The following ARB2A variants were observed in gnomAD, a reference collection of about 807,000 sequenced individuals.
ARB2A encodes cotranscriptional regulator ARB2A.
the ARB2A span, among the ~76,000 whole-genome samples, chr5:93,773,811 G>A: frequency 6.6e-6 from 1 of 152,128 alleles, no homozygotes; most frequent in Non-Finnish European, 1.5e-5. Flanking sequence ...CTAAGTTGGG[G>A]TACAGTAGTA....
At chr5:94,063,504 G>C in the ARB2A span, among the ~76,000 whole-genome samples, 2 of 152,084 alleles carry the variant, frequency 1.3e-5, no homozygotes, top group Non-Finnish European at 2.9e-5. Flanking sequence ...CCACTGGCCT[G>C]ACCCACTGGT....
At chr5:94,029,931 G>A in the ARB2A span, among the ~76,000 whole-genome samples, 4 of 152,130 alleles carry the variant, frequency 2.6e-5, no homozygotes, top group Admixed American at 6.6e-5. Flanking sequence ...TCCACATGGC[G>A]GGGGAGGCCT....
the ARB2A span, among the ~76,000 whole-genome samples, chr5:93,830,297 A>ATATATGTGTGTGTGTGTG: frequency 6.2e-4 from 6 of 9,736 alleles, 1 homozygote; most frequent in East Asian, 0.069. Flanking sequence ...ATATGTATAT[A>ATATATGTGTGTGTGTGTG]TATGTGTGTG....
chr5:93,805,162 C>T, the ARB2A span: 21,684 of 984,608 alleles, frequency 0.022, 253 homozygotes, highest in Non-Finnish European at 0.024. Context: ...TAGAAATCAC[C>T]AATCTAAATA....
At chr5:93,659,054 T>A in the ARB2A span, among the ~76,000 whole-genome samples, 17 of 152,004 alleles carry the variant, frequency 1.1e-4, no homozygotes, top group Non-Finnish European at 2.9e-5. Context: ...AAACCAGAAT[T>A]GTTCTATATA....
At chr5:93,638,873 C>T in the ARB2A span, among the ~76,000 whole-genome samples, 3 of 151,982 alleles carry the variant, frequency 2.0e-5, no homozygotes, top group African/African-American at 4.8e-5. Context: ...ATTTTGTATC[C>T]AGCAACCTTG....
chr5:93,960,081 G>GCCC, the ARB2A span, among the ~76,000 whole-genome samples: 1 of 39,078 alleles, frequency 2.6e-5, no homozygotes, highest in African/African-American at 1.1e-4. Context: ...AACTCTAGAT[G>GCCC]CCCCCCCCCC....
chr5:94,051,615 G>A, the ARB2A span, among the ~76,000 whole-genome samples: 1 of 152,150 alleles, frequency 6.6e-6, no homozygotes, highest in African/African-American at 2.4e-5. Context: ...AAGTAGATGA[G>A]GACTCTACGT....
the ARB2A span, among the ~76,000 whole-genome samples, chr5:93,815,212 T>G: frequency 4.6e-5 from 7 of 152,118 alleles, no homozygotes; most frequent in Non-Finnish European, 1.0e-4. Context: ...CTAAATTCAT[T>G]CAATAGAAGT....
chr5:94,044,593 A>G, the ARB2A span, among the ~76,000 whole-genome samples: 1 of 152,094 alleles, frequency 6.6e-6, no homozygotes, highest in Non-Finnish European at 1.5e-5. Flanking sequence ...AGGCGTTTGA[A>G]CCAGAGCAAC....
chr5:93,884,029 G>A, the ARB2A span, among the ~76,000 whole-genome samples: 2 of 150,800 alleles, frequency 1.3e-5, no homozygotes, highest in African/African-American at 4.9e-5. Flanking sequence ...AATTAGTAGA[G>A]ATGAAAATAG....
At chr5:93,816,852 T>C in the ARB2A span, among the ~76,000 whole-genome samples, 126 of 152,292 alleles carry the variant, frequency 8.3e-4, no homozygotes, top group Middle Eastern at 3.4e-3. Context: ...TCATACTTAA[T>C]GATGAAATAC....
the ARB2A span, among the ~76,000 whole-genome samples, chr5:93,800,428 C>T: frequency 6.6e-6 from 1 of 151,038 alleles, no homozygotes; most frequent in Non-Finnish European, 1.5e-5. Context: ...CACACACGCA[C>T]ACAAAGATAC....
the ARB2A span, among the ~76,000 whole-genome samples, chr5:93,793,239 ATTTTTTTTTTTT>A: frequency 4.6e-5 from 3 of 64,780 alleles, no homozygotes; most frequent in East Asian, 5.4e-4. Context: ...CTTCTGGCTA[ATTTTTTTTTTTT>A]TTTTTTTTTT....
At chr5:93,705,609 A>ATGTGTGTG in the ARB2A span, among the ~76,000 whole-genome samples, 1,049 of 128,752 alleles carry the variant, frequency 8.1e-3, 5 homozygotes, top group Middle Eastern at 0.02. Flanking sequence ...TTGGGAAAAA[A>ATGTGTGTG]TGTGTGTGTG....
At chr5:94,015,212 C>T in the ARB2A span, among the ~76,000 whole-genome samples, 2 of 151,932 alleles carry the variant, frequency 1.3e-5, no homozygotes, top group African/African-American at 4.8e-5. Context: ...TCAACAGAAA[C>T]CATATAGGCC....
the ARB2A span, among the ~76,000 whole-genome samples, chr5:93,914,474 G>C: frequency 1.3e-5 from 2 of 151,882 alleles, no homozygotes; most frequent in Non-Finnish European, 2.9e-5. Context: ...TTGTTTTTGT[G>C]AGTGCTTGAT....
chr5:93,983,548 C>G, the ARB2A span, among the ~76,000 whole-genome samples: 2 of 152,016 alleles, frequency 1.3e-5, no homozygotes, highest in Non-Finnish European at 2.9e-5. Context: ...GAATGCTCTT[C>G]CTTACAGCAG....
At chr5:93,944,054 C>T in the ARB2A span, among the ~76,000 whole-genome samples, 1 of 152,012 alleles carries the variant, frequency 6.6e-6, no homozygotes, top group Non-Finnish European at 1.5e-5. Context: ...TAAATAATTT[C>T]TAGTAGAAAA....
Sources: allele counts gnomAD v4.1 joint callset (sites outside exome capture counted in the v4.1 genomes callset), GRCh38; gene constraint gnomAD v4.1.1; transcripts MANE v1.5; gene names NCBI Gene and HGNC (gene_info 2026-07-23, HGNC 2026-07-21).